Variants in AQP7B observed in about 807,000 individuals in gnomAD.
AQP7B encodes putative aquaporin-7B.
At chr2:94,603,049 A>G in the AQP7B span, 13 of 1,597,916 alleles carry the variant, frequency 8.1e-6, no homozygotes, top group South Asian at 5.6e-5. Context: ...GCCCACATGA[A>G]TGCAGCTGTG....
the AQP7B span, chr2:94,603,101 G>T: frequency 5.1e-6 from 8 of 1,580,488 alleles, no homozygotes; most frequent in Non-Finnish European, 6.9e-6. Flanking sequence ...CCTGGAGGAA[G>T]TTTCCAGTCC....
the AQP7B span, among the ~76,000 whole-genome samples, chr2:94,589,381 C>T: frequency 6.6e-6 from 1 of 152,064 alleles, no homozygotes; most frequent in African/African-American, 2.4e-5. Context: ...ATCTGAGAGG[C>T]TTTCTGCAGT....
the AQP7B span, chr2:94,602,704 G>A: frequency 6.0e-4 from 811 of 1,359,952 alleles, 5 homozygotes; most frequent in African/African-American, 0.01. Flanking sequence ...TCCTTTCCCA[G>A]CACAGCCAGT....
the AQP7B span, among the ~76,000 whole-genome samples, chr2:94,593,428 T>C: frequency 6.7e-6 from 1 of 149,470 alleles, no homozygotes; most frequent in Non-Finnish European, 1.5e-5. Flanking sequence ...GACAGTGAGA[T>C]AGCAGAGTGA....
At chr2:94,604,075 T>A in the AQP7B span, 8 of 693,500 alleles carry the variant, frequency 1.2e-5, no homozygotes, top group Non-Finnish European at 1.9e-5. Context: ...TCCCAACATT[T>A]CCCCAGGCCA....
the AQP7B span, chr2:94,594,918 T>C: frequency 3.5e-6 from 4 of 1,151,124 alleles, no homozygotes; most frequent in Non-Finnish European, 3.9e-6. Flanking sequence ...CCACCAGGGC[T>C]GTCCATGACC....
At chr2:94,597,803 C>A in the AQP7B span, among the ~76,000 whole-genome samples, 10 of 152,032 alleles carry the variant, frequency 6.6e-5, no homozygotes, top group South Asian at 2.1e-4. Context: ...CAAGGTTTCA[C>A]CATGTTGTCA....
chr2:94,592,025 T>A, the AQP7B span, among the ~76,000 whole-genome samples: 4 of 152,220 alleles, frequency 2.6e-5, no homozygotes, highest in Non-Finnish European at 5.9e-5. Flanking sequence ...TCAAGAAATC[T>A]TGAGTTCATT....
At chr2:94,590,227 T>A in the AQP7B span, among the ~76,000 whole-genome samples, 247 of 152,348 alleles carry the variant, frequency 1.6e-3, 1 homozygote, top group African/African-American at 5.5e-3. Context: ...CTGTTGCCCA[T>A]GCTGAAGTGC....
the AQP7B span, chr2:94,603,308 C>A: frequency 1.4e-4 from 215 of 1,495,388 alleles, no homozygotes; most frequent in African/African-American, 1.9e-3. Context: ...CACCCTCTAA[C>A]CTATAACCTC....
chr2:94,590,053 A>G, the AQP7B span, among the ~76,000 whole-genome samples: 12 of 152,124 alleles, frequency 7.9e-5, no homozygotes, highest in Non-Finnish European at 1.8e-4. Context: ...GAGCTCCCCC[A>G]GTCCCAGGCT....
chr2:94,597,090 C>G, the AQP7B span, among the ~76,000 whole-genome samples: 1 of 152,136 alleles, frequency 6.6e-6, no homozygotes, highest in African/African-American at 2.4e-5. Context: ...GTATTGCTCC[C>G]TTGTTATTAG....
the AQP7B span, chr2:94,594,892 C>A: frequency 1.4e-6 from 2 of 1,408,520 alleles, no homozygotes; most frequent in African/African-American, 2.8e-5. Context: ...GTGGGCAGCA[C>A]GAAGTGGGTG....
the AQP7B span, among the ~76,000 whole-genome samples, chr2:94,590,302 C>G: frequency 2.0e-5 from 3 of 152,314 alleles, no homozygotes; most frequent in Non-Finnish European, 4.4e-5. Flanking sequence ...CACGTCTCAG[C>G]CCCCACCCCA....
chr2:94,592,979 A>G, the AQP7B span, among the ~76,000 whole-genome samples: 14 of 151,540 alleles, frequency 9.2e-5, no homozygotes, highest in East Asian at 2.7e-3. Context: ...ATACACCACA[A>G]CACCTGACTA....
the AQP7B span, chr2:94,604,138 G>A: frequency 7.4e-6 from 6 of 808,772 alleles, no homozygotes; most frequent in African/African-American, 5.2e-5. Flanking sequence ...TCCCTGAATC[G>A]GGCTGAGGCT....
At chr2:94,602,638 A>C in the AQP7B span, 1 of 1,566,862 alleles carries the variant, frequency 6.4e-7, no homozygotes, top group Non-Finnish European at 8.8e-7. Context: ...AGGGCCTACC[A>C]GACTGGGCAA....
chr2:94,600,045 A>G, the AQP7B span, among the ~76,000 whole-genome samples: 2 of 151,632 alleles, frequency 1.3e-5, no homozygotes, highest in Non-Finnish European at 2.9e-5. Flanking sequence ...CGCCTGGCTA[A>G]TTTTTGTATT....
chr2:94,590,306 C>T, the AQP7B span, among the ~76,000 whole-genome samples: 1 of 152,208 alleles, frequency 6.6e-6, no homozygotes, highest in East Asian at 1.9e-4. Flanking sequence ...TCTCAGCCCC[C>T]ACCCCAGCTG....
Sources: allele counts gnomAD v4.1 joint callset (sites outside exome capture counted in the v4.1 genomes callset), GRCh38; gene constraint gnomAD v4.1.1; transcripts MANE v1.5; gene names NCBI Gene and HGNC (gene_info 2026-07-23, HGNC 2026-07-21).